The following ASTN2 variants were observed in gnomAD, a reference collection of about 807,000 sequenced individuals.
ASTN2 encodes the protein astrotactin-2.
A neutral mutation model predicts 139.8 loss-of-function variants in ASTN2; 54 were observed. The observed-to-expected ratio is 0.39, with a 90% confidence interval of 0.31 to 0.48. The LOEUF is 0.48. Ranked by LOEUF, ASTN2 falls within the 20% of genes least tolerant of loss-of-function variation. The pLI is 0.95. For missense variants in ASTN2, 1,565 were observed against 1,725.1 expected (o/e 0.91, Z 1.64); for synonymous variants, 756 against 719.5 (o/e 1.05, Z -0.81).
At chr9:116,609,222 A>T (rs1326867032) in intron 19 of ASTN2, among the ~76,000 whole-genome samples, 2 of 151,398 alleles carry the variant, frequency 1.3e-5, no homozygotes, top group Admixed American at 1.3e-4. Flanking sequence ...CAGATCCAAG[A>T]AGCTCAACAA....
rs376488384 is a variant in ASTN2 at position 116,570,309 on chromosome 9, C to A, written c.3355+48015G>T. ...AACCAAATCCTATATATTTACTTAA[C>A]CCTTTCTCTCTTATTGTATAAGTTT... On this transcript the variant is annotated intron_variant, in intron 19 of 22. Coordinates refer to ENST00000313400, the MANE Select transcript of ASTN2 (RefSeq NM_001365068.1). Among the ~76,000 whole-genome samples, 54 of 152,268 alleles carry A rather than the reference C, an allele frequency of 3.5e-4. No homozygotes were observed. The East Asian group carries it at 4.8e-3, about 14-fold the overall frequency.
chr9:116,532,352 G>A (rs1020945053), intron 19 of ASTN2, among the ~76,000 whole-genome samples: 1 of 152,182 alleles, frequency 6.6e-6, no homozygotes, highest in Non-Finnish European at 1.5e-5. Context: ...CTGTGCAGAA[G>A]CTCTTTGGTT....
intron 19 of ASTN2, among the ~76,000 whole-genome samples, chr9:116,614,206 C>T (rs1036870436): frequency 6.6e-6 from 1 of 152,118 alleles, no homozygotes; most frequent in South Asian, 2.1e-4. Context: ...CAAACCACTG[C>T]TCAACAAAAT....
chr9:117,230,661 C>A lies in ASTN2; in HGVS notation c.631-15919G>T, dbSNP rs78301121. ...TTAGTTGCAAGAGTCACTGAAGCAACCCATAGTAAGTGAACCAAAGAGATT... is the reference window on the plus strand; with the variant it reads ...TTAGTTGCAAGAGTCACTGAAGCAAACCATAGTAAGTGAACCAAAGAGATT... On this transcript the variant is annotated intron_variant, in intron 2 of 22. Transcript: ENST00000313400. Among the ~76,000 whole-genome samples, 418 of 152,152 alleles carry A rather than the reference C, an allele frequency of 2.7e-3. 7 individuals are homozygous for A. In the East Asian group the frequency reaches 0.054, roughly 20 times the overall value.
At position 116,651,537 on chromosome 9, in the gene ASTN2, G is replaced by A; in HGVS notation, c.3063C>T (p.Gly1021=). 1 of 1,613,674 alleles carries A rather than the reference G, an allele frequency of 6.2e-7. No homozygotes were observed. The highest frequency in any genetic ancestry group is 8.5e-7 in the Non-Finnish European group (1 of 1,179,648). The change falls in exon 17 of 23, where the codon GGC becomes GGT. Residue 1021 remains glycine (G), a synonymous_variant. Coordinates refer to ENST00000313400, the MANE Select transcript of ASTN2 (RefSeq NM_001365068.1). ...VPLYTLIQDN[G]TKEAFKSALM... ...GGCCAGGGGAGCTCACCTCCTTTGT[G>A]CCATTGTCTTGGATGAGGGTATAAA... is the stretch of plus-strand genomic sequence containing the variant.
At chr9:116,949,580 T>C (rs982324341) in intron 10 of ASTN2, among the ~76,000 whole-genome samples, 14 of 152,176 alleles carry the variant, frequency 9.2e-5, no homozygotes, top group African/African-American at 3.4e-4. Flanking sequence ...TGAATCTTTG[T>C]GGGTTGGAAT....
chr9:116,625,391 G>A (rs1225460310), intron 17 of ASTN2, among the ~76,000 whole-genome samples: 7 of 152,070 alleles, frequency 4.6e-5, no homozygotes, highest in Non-Finnish European at 1.0e-4. Context: ...CTGAGATTGC[G>A]CTACTGCACT....
At chr9:117,099,272 C>T (rs914202981) in intron 4 of ASTN2, among the ~76,000 whole-genome samples, 5 of 152,200 alleles carry the variant, frequency 3.3e-5, no homozygotes, top group African/African-American at 9.6e-5. Flanking sequence ...GAGGGTCTAT[C>T]CCTGTTAGGA....
At chr9:117,366,409 T>C (rs1829844665) in intron 1 of ASTN2, among the ~76,000 whole-genome samples, 1 of 152,148 alleles carries the variant, frequency 6.6e-6, no homozygotes, top group Non-Finnish European at 1.5e-5. Flanking sequence ...GAAATTGGCA[T>C]CCCTGTTTTA....
intron 19 of ASTN2, chr9:116,585,797 C>CA (rs1038202371): frequency 1.2e-4 from 19 of 152,098 alleles, no homozygotes; most frequent in Admixed American, 1.1e-3. Flanking sequence ...GCAGCTGCAA[C>CA]AAAAACAAAA....
rs138462524 is a variant in ASTN2, at chr9:117,309,738, A to G, written c.443-18225T>C. 6.6e-4 allele frequency among the ~76,000 whole-genome samples: 101 copies of G among 152,212 alleles called. No individual in the cohort carries two copies. In the East Asian group the frequency reaches 0.017, roughly 26 times the overall value. Reference sequence around the variant, plus strand: ...TCTAGGACCCTTTCCCATAGAATTCACTCTGAACAGCCCTGGAAGCAGCTG... The same window carrying G: ...TCTAGGACCCTTTCCCATAGAATTCGCTCTGAACAGCCCTGGAAGCAGCTG... On this transcript the variant is annotated intron_variant, in intron 1 of 22. Transcript: ENST00000313400.
At chr9:116,883,033 G>A (rs1833491637) in intron 10 of ASTN2, among the ~76,000 whole-genome samples, 2 of 152,290 alleles carry the variant, frequency 1.3e-5, no homozygotes, top group South Asian at 4.1e-4. Context: ...AGTGATCACA[G>A]TAATCAGTTC....
intron 13 of ASTN2, among the ~76,000 whole-genome samples, chr9:116,802,317 A>T (rs993121607): frequency 6.6e-6 from 1 of 151,826 alleles, no homozygotes; most frequent in African/African-American, 2.4e-5. Flanking sequence ...CAATCTCCTG[A>T]CCTCATGATC....
At chr9:116,932,363 T>C (rs1834924081) in intron 10 of ASTN2, among the ~76,000 whole-genome samples, 1 of 152,106 alleles carries the variant, frequency 6.6e-6, no homozygotes, top group South Asian at 2.1e-4. Context: ...TTTCCTCTGA[T>C]AGTAATAGAC....
chr9:117,281,122 ACG>A, intron 2 of ASTN2, among the ~76,000 whole-genome samples: 1 of 152,310 alleles, frequency 6.6e-6, no homozygotes, highest in African/African-American at 2.4e-5. Context: ...AAGGCCAAGA[ACG>A]ATAACAGAGT....
intron 6 of ASTN2, among the ~76,000 whole-genome samples, chr9:117,030,510 C>G (rs1026351181): frequency 6.6e-6 from 1 of 152,154 alleles, no homozygotes; most frequent in Non-Finnish European, 1.5e-5. Flanking sequence ...ATGATTCATT[C>G]TGGTTGGAAG....
chr9:116,728,059 G>A (rs10983328), intron 15 of ASTN2, among the ~76,000 whole-genome samples: 43,029 of 152,012 alleles, frequency 0.28, 6,353 homozygotes, highest in East Asian at 0.46. Context: ...ATTAGTAAGA[G>A]TTAGGGTAGA....
chr9:116,696,388 A>G (rs1197448644), intron 16 of ASTN2, among the ~76,000 whole-genome samples: 3 of 152,178 alleles, frequency 2.0e-5, no homozygotes, highest in Non-Finnish European at 2.9e-5. Context: ...TAAAGACAGT[A>G]TTTTTCCATT....
intron 13 of ASTN2, among the ~76,000 whole-genome samples, chr9:116,784,509 G>T (rs1830309674): frequency 6.6e-6 from 1 of 152,210 alleles, no homozygotes; most frequent in Non-Finnish European, 1.5e-5. Flanking sequence ...GTCCTGTGTT[G>T]TTAGTTAACT....
Sources: gnomAD v4.1 joint callset for allele counts (sites outside exome capture counted in the v4.1 genomes callset) on GRCh38, gnomAD v4.1.1 for gene constraint, MANE v1.5 for transcripts, NCBI Gene and HGNC (gene_info 2026-07-23, HGNC 2026-07-21) for gene names.